The following EPSTI1 variants were observed in gnomAD, a reference collection of about 807,000 sequenced individuals.
The protein encoded by EPSTI1 is epithelial stromal interaction 1.
In EPSTI1, 66 loss-of-function variants were observed where a neutral mutation model predicts 49.9. That is an observed-to-expected ratio of 1.32 (90% confidence interval 1.08 to 1.62). The LOEUF (loss-of-function observed/expected upper bound fraction) is 1.62, where lower values mean the gene tolerates loss of function less well. EPSTI1 is among the 40% of genes most tolerant of loss of function. The probability of loss-of-function intolerance (pLI) is 0.00; values close to 1 mark genes in which losing one functional copy is unlikely to be tolerated. For missense variants in EPSTI1, 394 were observed against 365.5 expected, an observed-to-expected ratio of 1.08 and a Z score of -0.64; for synonymous variants, 137 against 130.7, an observed-to-expected ratio of 1.05 and a Z score of -0.33.
chr13:42,945,907 T>G (rs2038903716), intron 6 of EPSTI1, among the ~76,000 whole-genome samples: 2 of 152,252 alleles, frequency 1.3e-5, no homozygotes. Context: ...TTCAGTCTTA[T>G]TCTGAACAAA....
intron 7 of EPSTI1, 42 bp from the exon 8 acceptor site, chr13:42,917,666 G>A: frequency 9.4e-7 from 1 of 1,059,530 alleles, no homozygotes. Context: ...AAAACAACTT[G>A]ATAGGATAAA....
At chr13:42,928,018 A>C (rs2038237732) in intron 6 of EPSTI1, among the ~76,000 whole-genome samples, 1 of 152,326 alleles carries the variant, frequency 6.6e-6, no homozygotes, top group East Asian at 1.9e-4. Flanking sequence ...CAGTTTACTG[A>C]CTGCCGCTTC....
chr13:42,918,079 G>C (rs1417352130), intron 7 of EPSTI1, among the ~76,000 whole-genome samples: 1 of 152,216 alleles, frequency 6.6e-6, no homozygotes, highest in Non-Finnish European at 1.5e-5. Context: ...TTGTCAACTA[G>C]TGGTTGATAC....
chr13:42,955,877 T>G (rs1281218139), intron 5 of EPSTI1, among the ~76,000 whole-genome samples: 6 of 105,542 alleles, frequency 5.7e-5, no homozygotes, highest in African/African-American at 1.8e-4. Context: ...AAGAAGTATT[T>G]GGGGGGGGGG....
intron 9 of EPSTI1, 26 bp from the exon 10 acceptor site, chr13:42,895,134 G>A (rs1173844342): frequency 3.8e-6 from 6 of 1,579,308 alleles, no homozygotes; most frequent in South Asian, 1.1e-5. Flanking sequence ...AAATGTGTGT[G>A]AGTAGAAAAC....
In EPSTI1 at chr13:42,888,290, AAT is replaced by A; in HGVS notation, c.*202_*203del. 1 of 1,611,564 alleles carries A rather than the reference AAT, an allele frequency of 6.2e-7. No homozygotes were observed. Among genetic ancestry groups the A allele is most frequent in the East Asian group, 2.2e-5 (1 of 44,696 alleles). ...AGCATTTCCCTGGCAGTAGAGATTA[AAT>A]ATGAGTTCAGGAATCAGCTCCTCCA... On this transcript the variant is annotated 3_prime_UTR_variant, in exon 11 of 11. Transcript: ENST00000313624.
At chr13:42,932,950 G>C (rs2038427441) in intron 6 of EPSTI1, among the ~76,000 whole-genome samples, 1 of 152,104 alleles carries the variant, frequency 6.6e-6, no homozygotes, top group Non-Finnish European at 1.5e-5. Context: ...CAAACTGGGG[G>C]AAGTCTACAA....
At chr13:42,907,824 T>A (rs2037539510) in intron 8 of EPSTI1, among the ~76,000 whole-genome samples, 1 of 152,244 alleles carries the variant, frequency 6.6e-6, no homozygotes, top group South Asian at 2.1e-4. Flanking sequence ...AGTTTTAGCA[T>A]TCGGGAACAT....
intron 1 of EPSTI1, among the ~76,000 whole-genome samples, chr13:42,988,723 T>A (rs2040129596): frequency 7.3e-6 from 1 of 137,260 alleles, no homozygotes. Flanking sequence ...AGAGCGAGAC[T>A]CTGTCTCAAA....
At chr13:42,953,141 G>A (rs1180761081) in intron 6 of EPSTI1, among the ~76,000 whole-genome samples, 1 of 151,652 alleles carries the variant, frequency 6.6e-6, no homozygotes, top group Non-Finnish European at 1.5e-5. Context: ...AAGGATCTCT[G>A]TAAGAAGGAT....
chr13:42,989,567 C>CCTTTTTTTTTTTTTTTTTTT (rs2040150489), intron 1 of EPSTI1, among the ~76,000 whole-genome samples: 1 of 79,020 alleles, frequency 1.3e-5, no homozygotes, highest in African/African-American at 4.4e-5. Flanking sequence ...CCTCTTTTTT[C>CCTTTTTTTTTTTTTTTTTTT]TTTTTTTTTT....
chr13:42,956,466 T>C (rs1246851001), intron 5 of EPSTI1, among the ~76,000 whole-genome samples: 2 of 152,162 alleles, frequency 1.3e-5, no homozygotes, highest in Non-Finnish European at 2.9e-5. Flanking sequence ...TACACTCCAT[T>C]ATATGGGTTG....
chr13:42,890,793 T>C (rs750828092), intron 10 of EPSTI1, among the ~76,000 whole-genome samples: 11 of 152,094 alleles, frequency 7.2e-5, no homozygotes, highest in Non-Finnish European at 1.3e-4. Flanking sequence ...AATTGTATCA[T>C]CTGTGATTTA....
intron 6 of EPSTI1, among the ~76,000 whole-genome samples, chr13:42,928,087 T>A (rs1457001187): frequency 6.6e-6 from 1 of 152,172 alleles, no homozygotes. Flanking sequence ...CTGTGGTCCT[T>A]GTGCCAATTA....
At chr13:42,977,416 T>G (rs1566176887) in intron 1 of EPSTI1, among the ~76,000 whole-genome samples, 1 of 152,208 alleles carries the variant, frequency 6.6e-6, no homozygotes, top group African/African-American at 2.4e-5. Flanking sequence ...TAAAATTATG[T>G]GATTAAGTTT....
chr13:42,896,804 A>C (rs1347223155), intron 9 of EPSTI1, among the ~76,000 whole-genome samples: 9 of 152,026 alleles, frequency 5.9e-5, no homozygotes, highest in Non-Finnish European at 8.8e-5. Context: ...TTCTTCACTC[A>C]CTATAATCCC....
In EPSTI1 at chr13:42,963,314, T is replaced by G. The variant is rs1157310344; in HGVS notation, c.430A>C (p.Ile144Leu). The change falls in exon 5 of 11, where the codon ATC becomes CTC. Residue 144 changes from isoleucine (I) to leucine (L), a missense_variant. Physicochemically the swap from Ile to Leu is conservative, Grantham distance 5. Transcript: ENST00000313624. ...QKLKREESVRIKKEAEEAELQ... is the reference protein window; with the variant it reads ...QKLKREESVRLKKEAEEAELQ... The stretch of plus-strand genomic sequence containing the variant: ...TCAGCTTCTTCAGCTTCCTTCTTGA[T>G]TCTTACAGATTCTTCTCTTTTTAGC... 6.2e-7 allele frequency: 1 copy of G among 1,612,652 alleles called. No homozygotes were observed. Among genetic ancestry groups the G allele is most frequent in the South Asian group, 1.1e-5 (1 of 90,730 alleles).
chr13:42,896,189 C>T (rs1227259624), intron 9 of EPSTI1, among the ~76,000 whole-genome samples: 1 of 152,156 alleles, frequency 6.6e-6, no homozygotes, highest in African/African-American at 2.4e-5. Context: ...TGCGGTTCCA[C>T]CTCAGCTATT....
At chr13:42,951,266 A>C (rs1365457268) in intron 6 of EPSTI1, among the ~76,000 whole-genome samples, 1 of 152,204 alleles carries the variant, frequency 6.6e-6, no homozygotes, top group African/African-American at 2.4e-5. Context: ...CATCTTTTAT[A>C]AGTCTCTTTT....
Sources: allele counts gnomAD v4.1 joint callset (sites outside exome capture counted in the v4.1 genomes callset), GRCh38; gene constraint gnomAD v4.1.1; transcripts MANE v1.5; gene names NCBI Gene and HGNC (gene_info 2026-07-23, HGNC 2026-07-21).